SOBP: variants seen among roughly 807,000 people sequenced by gnomAD.
SOBP encodes sine oculis binding protein homolog, also known as sine oculis-binding protein homolog.
Under a neutral mutation model 53.6 loss-of-function variants are expected in SOBP, and 4 were observed. The observed-to-expected ratio is 0.07, with a 90% confidence interval of 0.04 to 0.17. The LOEUF is 0.17. Ranked by LOEUF, SOBP falls within the 10% of genes least tolerant of loss-of-function variation. The probability of loss-of-function intolerance (pLI) is 1.00; values close to 1 mark genes in which losing one functional copy is unlikely to be tolerated. For synonymous variants in SOBP, 584 were observed against 522.6 expected (o/e 1.12, Z -1.60); for missense variants, 1,088 against 1,204.7 (o/e 0.90, Z 1.43).
At chr6:107,622,304 A>C (rs1770215000) in intron 5 of SOBP, among the ~76,000 whole-genome samples, 1 of 152,226 alleles carries the variant, frequency 6.6e-6, no homozygotes, top group Non-Finnish European at 1.5e-5. Context: ...GCACTGATTG[A>C]AAATTGGGAA....
At chr6:107,523,355 G>A (rs73762232) in intron 3 of SOBP, among the ~76,000 whole-genome samples, 3,412 of 152,300 alleles carry the variant, frequency 0.022, 151 homozygotes, top group African/African-American at 0.078. Flanking sequence ...AATATTTAAA[G>A]GTGAGAAGAG....
At chr6:107,544,104 A>G (rs1348599713) in intron 4 of SOBP, among the ~76,000 whole-genome samples, 8 of 152,174 alleles carry the variant, frequency 5.3e-5, no homozygotes, top group African/African-American at 1.9e-4. Context: ...GCTTTGGAGT[A>G]GAAGTCTGAT....
intron 5 of SOBP, among the ~76,000 whole-genome samples, chr6:107,589,814 CATAG>C (rs1472454363): frequency 6.6e-6 from 1 of 152,218 alleles, no homozygotes; most frequent in African/African-American, 2.4e-5. Flanking sequence ...CCTACCTCTT[CATAG>C]ATAGTCATGC....
chr6:107,503,270 G>T (rs1326633521), intron 1 of SOBP, among the ~76,000 whole-genome samples: 1 of 152,026 alleles, frequency 6.6e-6, no homozygotes, highest in Non-Finnish European at 1.5e-5. Flanking sequence ...ACCACAAAAG[G>T]TTGTTTTCAT....
At chr6:107,566,719 A>G (rs1280152047) in intron 4 of SOBP, among the ~76,000 whole-genome samples, 3 of 152,060 alleles carry the variant, frequency 2.0e-5, no homozygotes, top group African/African-American at 4.8e-5. Flanking sequence ...GCCTCTCAAC[A>G]TTGTGTCCTC....
chr6:107,638,170 A>T (rs1470177987), intron 6 of SOBP, among the ~76,000 whole-genome samples: 1 of 151,798 alleles, frequency 6.6e-6, no homozygotes, highest in Non-Finnish European at 1.5e-5. Flanking sequence ...CAATTTACTC[A>T]CATTCTCTGG....
At chr6:107,527,084 T>TGG (rs1158554978) in intron 3 of SOBP, among the ~76,000 whole-genome samples, 1 of 152,216 alleles carries the variant, frequency 6.6e-6, no homozygotes, top group Non-Finnish European at 1.5e-5. Flanking sequence ...ACACCACTCT[T>TGG]TGGGAATTCT....
At chr6:107,504,802 C>G (rs1479880513) in intron 2 of SOBP, among the ~76,000 whole-genome samples, 1 of 152,234 alleles carries the variant, frequency 6.6e-6, no homozygotes, top group Non-Finnish European at 1.5e-5. Context: ...GTTAAGCTTA[C>G]TATGAAATTG....
intron 1 of SOBP, among the ~76,000 whole-genome samples, chr6:107,493,839 TG>T (rs1259077507): frequency 1.3e-5 from 2 of 152,112 alleles, no homozygotes; most frequent in African/African-American, 2.4e-5. Flanking sequence ...CATTGAAGAG[TG>T]TCTTCATGTG....
intron 3 of SOBP, among the ~76,000 whole-genome samples, chr6:107,507,912 A>T (rs566175067): frequency 1.2e-4 from 19 of 152,190 alleles, no homozygotes; most frequent in Non-Finnish European, 1.6e-4. Flanking sequence ...GCTGAGCATT[A>T]TGTGATATTG....
intron 5 of SOBP, among the ~76,000 whole-genome samples, chr6:107,595,573 G>T (rs990969150): frequency 6.6e-6 from 1 of 151,990 alleles, no homozygotes; most frequent in African/African-American, 2.4e-5. Context: ...ACCTCCAGTG[G>T]CTTCAAGGAA....
intron 5 of SOBP, among the ~76,000 whole-genome samples, chr6:107,632,362 G>A (rs1477864629): frequency 1.3e-5 from 2 of 151,926 alleles, no homozygotes; most frequent in Non-Finnish European, 2.9e-5. Flanking sequence ...AAAAGATTGT[G>A]TGTGTAAAAC....
At chr6:107,499,118 T>G (rs1583142038) in intron 1 of SOBP, among the ~76,000 whole-genome samples, 1 of 152,350 alleles carries the variant, frequency 6.6e-6, no homozygotes, top group Middle Eastern at 3.4e-3. Flanking sequence ...ATGATATCTT[T>G]GCAGCTCTTT....
Position 107,587,062 on chromosome 6 carries a change from C to G in SOBP, c.574-18C>G. 1 of 1,594,264 alleles carries G rather than the reference C, an allele frequency of 6.3e-7. No individual in the cohort carries two copies. The highest frequency in any genetic ancestry group is 8.6e-7 in the Non-Finnish European group (1 of 1,162,514). On this transcript the variant is annotated intron_variant, in intron 4 of 6. Transcript: ENST00000317357. ...ATTATTTGTAAGTCCCTAAATAGGCCATTATATTTCCCTTCAGGCTAGAGA... is the reference window on the plus strand; with the variant it reads ...ATTATTTGTAAGTCCCTAAATAGGCGATTATATTTCCCTTCAGGCTAGAGA...
chr6:107,593,621 G>A (rs555457930), intron 5 of SOBP, among the ~76,000 whole-genome samples: 2 of 152,166 alleles, frequency 1.3e-5, no homozygotes, highest in South Asian at 4.1e-4. Flanking sequence ...AATATGACGA[G>A]AATAAATACA....
At chr6:107,650,501 T>C (rs846970) in intron 6 of SOBP, among the ~76,000 whole-genome samples, 1,857 of 152,384 alleles carry the variant, frequency 0.012, 38 homozygotes, top group African/African-American at 0.043. Context: ...GTGTCACATT[T>C]TGGTAATTCT....
intron 3 of SOBP, among the ~76,000 whole-genome samples, chr6:107,531,418 C>CT (rs1783821156): frequency 6.6e-6 from 1 of 152,034 alleles, no homozygotes; most frequent in Admixed American, 6.5e-5. Context: ...AAAATAGAAA[C>CT]TATTAGTTGC....
intron 2 of SOBP, among the ~76,000 whole-genome samples, chr6:107,504,149 T>C (rs1030235497): frequency 1.3e-5 from 2 of 152,202 alleles, no homozygotes; most frequent in African/African-American, 4.8e-5. Flanking sequence ...GGACTGGGGT[T>C]TCTGTTAAGT....
chr6:107,506,454 A>G, intron 3 of SOBP, 27 bp downstream of exon 3: 1 of 1,611,448 alleles, frequency 6.2e-7, no homozygotes, highest in South Asian at 1.1e-5. Context: ...GTTTTCAGTG[A>G]TAACAATTCA....
Sources: gnomAD v4.1 joint callset for allele counts (sites outside exome capture counted in the v4.1 genomes callset) on GRCh38, gnomAD v4.1.1 for gene constraint, MANE v1.5 for transcripts, NCBI Gene and HGNC (gene_info 2026-07-23, HGNC 2026-07-21) for gene names.